MCCC2: variants seen among roughly 807,000 people sequenced by gnomAD.
The protein encoded by MCCC2 is methylcrotonyl-CoA carboxylase subunit 2.
In MCCC2, 52 loss-of-function variants were observed where a neutral mutation model predicts 77.2. That is an observed-to-expected ratio of 0.67 (90% CI 0.54 to 0.85). MCCC2 has a LOEUF of 0.85. Ranked by LOEUF, MCCC2 falls within the 40% of genes least tolerant of loss-of-function variation. The pLI, the probability that MCCC2 is intolerant of heterozygous loss-of-function variation, is 0.00. For synonymous variants in MCCC2, 253 were observed against 248.4 expected, an observed-to-expected ratio of 1.02 and a Z score of -0.18; for missense variants, 682 against 703.2, an observed-to-expected ratio of 0.97 and a Z score of 0.34.
At chr5:71,648,310 C>T (rs1458535463) in intron 13 of MCCC2, among the ~76,000 whole-genome samples, 2 of 152,124 alleles carry the variant, frequency 1.3e-5, no homozygotes, top group Non-Finnish European at 2.9e-5. Context: ...CGAAGCCCAA[C>T]TCAGTGTTAT....
intron 6 of MCCC2, among the ~76,000 whole-genome samples, chr5:71,614,762 G>C (rs1746104342): frequency 6.6e-6 from 1 of 152,010 alleles, no homozygotes; most frequent in African/African-American, 2.4e-5. Flanking sequence ...GGGATTACAG[G>C]TATGAGCCAC....
At chr5:71,642,989 A>G (rs1266121523) in intron 11 of MCCC2, among the ~76,000 whole-genome samples, 1 of 149,818 alleles carries the variant, frequency 6.7e-6, no homozygotes, top group East Asian at 2.0e-4. Context: ...GGCGACAGAA[A>G]AAGACCCTGT....
intron 6 of MCCC2, among the ~76,000 whole-genome samples, chr5:71,623,017 A>G (rs1265976863): frequency 6.6e-6 from 1 of 152,164 alleles, no homozygotes; most frequent in Non-Finnish European, 1.5e-5. Context: ...ACTGTTCATG[A>G]AAAAAGAAAA....
intron 8 of MCCC2, among the ~76,000 whole-genome samples, chr5:71,632,521 G>T (rs1181067083): frequency 6.6e-6 from 1 of 152,168 alleles, no homozygotes; most frequent in Non-Finnish European, 1.5e-5. Context: ...AGTCAGGGAG[G>T]TGGGCAATTG....
Position 71,622,997 on chromosome 5 carries a change from C to T in MCCC2, c.625-3643C>T, listed in dbSNP as rs144584515. Among the ~76,000 whole-genome samples the T allele has an allele frequency of 6.8e-4, 103 of 152,084 alleles. 1 individual carries two copies. The East Asian group carries it at 0.02, about 29-fold the overall frequency. On this transcript the variant is annotated intron_variant, in intron 6 of 16. Transcript: ENST00000340941. ...GAAAGTTGTACATATTTCTGCAGTA[C>T]GTTTCATAAACTGTTCATGAAAAAA...
At chr5:71,629,347 C>T (rs987552176) in intron 7 of MCCC2, among the ~76,000 whole-genome samples, 5 of 152,026 alleles carry the variant, frequency 3.3e-5, no homozygotes, top group African/African-American at 4.8e-5. Context: ...TGGGAGTGAC[C>T]GCTAATGAGG....
intron 6 of MCCC2, among the ~76,000 whole-genome samples, chr5:71,623,021 A>G (rs1238186122): frequency 1.3e-5 from 2 of 152,198 alleles, no homozygotes; most frequent in African/African-American, 2.4e-5. Flanking sequence ...TTCATGAAAA[A>G]AGAAAAAAAA....
rs1747358209 is a variant in MCCC2, at chr5:71,649,132, A to G, written c.1252A>G (p.Ile418Val). Residue 418 changes from isoleucine to valine, a missense_variant, in exon 14 of 17, where the codon ATT becomes GTT. Physicochemically the swap from Ile to Val is conservative, Grantham distance 29. Coordinates refer to ENST00000340941, the MANE Select transcript of MCCC2 (RefSeq NM_022132.5). Reference sequence around the variant, plus strand: ...TGGTAGAGAGTATGAAGCTGAAGGAATTGCCAAGGATGGTGCCAAGATGGT... The same window carrying G: ...TGGTAGAGAGTATGAAGCTGAAGGAGTTGCCAAGGATGGTGCCAAGATGGT... Reference protein sequence around the residue: ...MVGREYEAEGIAKDGAKMVAA... With the variant: ...MVGREYEAEGVAKDGAKMVAA... 1.2e-6 allele frequency: 2 copies of G among 1,614,232 alleles called. No individual in the cohort carries two copies. The highest frequency in any genetic ancestry group is 1.6e-4 in the Middle Eastern group (1 of 6,062).
intron 8 of MCCC2, among the ~76,000 whole-genome samples, chr5:71,633,551 AT>A (rs35149881): frequency 0.31 from 46,309 of 149,064 alleles, 8,048 homozygotes; most frequent in East Asian, 0.52. Context: ...GGGGTGATGA[AT>A]TTTTTTTTTT....
At chr5:71,612,330 A>G (rs1745985405) in intron 6 of MCCC2, among the ~76,000 whole-genome samples, 1 of 152,126 alleles carries the variant, frequency 6.6e-6, no homozygotes, top group South Asian at 2.1e-4. Flanking sequence ...CAATTATTAT[A>G]TATCTTTTTG....
At chr5:71,639,695 G>A (rs1300359794) in intron 10 of MCCC2, among the ~76,000 whole-genome samples, 1 of 152,156 alleles carries the variant, frequency 6.6e-6, no homozygotes, top group Non-Finnish European at 1.5e-5. Flanking sequence ...TTCACTAAAT[G>A]GTCCTAAATT....
chr5:71,590,869 A>AGATTTGTTTTGTGGCCT (rs1744948937), intron 1 of MCCC2, among the ~76,000 whole-genome samples: 1 of 152,128 alleles, frequency 6.6e-6, no homozygotes, highest in Non-Finnish European at 1.5e-5. Context: ...AAATTTATTA[A>AGATTTGTTTTGTGGCCT]GATTTGTTTT....
intron 3 of MCCC2, among the ~76,000 whole-genome samples, chr5:71,599,145 A>G (rs1338914982): frequency 6.6e-6 from 1 of 151,984 alleles, no homozygotes; most frequent in Admixed American, 6.5e-5. Flanking sequence ...AGGTGGGCAG[A>G]TAACCTTCAG....
intron 13 of MCCC2, among the ~76,000 whole-genome samples, chr5:71,648,725 G>T (rs957634413): frequency 1.3e-5 from 2 of 151,968 alleles, no homozygotes; most frequent in African/African-American, 4.8e-5. Context: ...TTGTTGCCCA[G>T]GCTGGTCTCA....
intron 7 of MCCC2, among the ~76,000 whole-genome samples, chr5:71,631,820 G>A (rs1746725190): frequency 6.6e-6 from 1 of 152,148 alleles, no homozygotes; most frequent in East Asian, 1.9e-4. Context: ...GATTACAGGC[G>A]TGAGCCACCG....
intron 16 of MCCC2, among the ~76,000 whole-genome samples, chr5:71,655,906 A>G (rs1423051598): frequency 2.6e-5 from 4 of 152,206 alleles, no homozygotes; most frequent in Non-Finnish European, 5.9e-5. Context: ...GAAGGTATCT[A>G]TTTTATTAAT....
rs377421501 is a variant in MCCC2 at position 71,640,088 on chromosome 5, A to G, written c.1000-915A>G. Among the ~76,000 whole-genome samples, 10 of 152,310 alleles carry G rather than the reference A, an allele frequency of 6.6e-5. No individual in the cohort carries two copies. The South Asian group carries it at 1.0e-3, about 16-fold the overall frequency. ...ACTCCTTACAGTAGTCCTGATATATAATGATAAGCCCCAGGGATAAACTAT... is the reference window on the plus strand; with the variant it reads ...ACTCCTTACAGTAGTCCTGATATATGATGATAAGCCCCAGGGATAAACTAT... On this transcript the variant is annotated intron_variant, in intron 10 of 16. Transcript: ENST00000340941.
intron 6 of MCCC2, among the ~76,000 whole-genome samples, chr5:71,606,091 G>GT (rs1745666244): frequency 6.6e-6 from 1 of 152,058 alleles, no homozygotes; most frequent in African/African-American, 2.4e-5. Context: ...CTTTAAAGTA[G>GT]TTTTTTCCAA....
At chr5:71,634,461 G>A (rs1402797376) in intron 8 of MCCC2, among the ~76,000 whole-genome samples, 2 of 152,240 alleles carry the variant, frequency 1.3e-5, no homozygotes, top group South Asian at 2.1e-4. Context: ...TCAGAAATGA[G>A]AGGCCAGAAT....
Sources: allele counts gnomAD v4.1 joint callset (sites outside exome capture counted in the v4.1 genomes callset), GRCh38; gene constraint gnomAD v4.1.1; transcripts MANE v1.5; gene names NCBI Gene and HGNC (gene_info 2026-07-23, HGNC 2026-07-21).